Variants in ZBTB10 observed in about 807,000 individuals in gnomAD.
The protein encoded by ZBTB10 is zinc finger and BTB domain-containing protein 10.
A neutral mutation model predicts 76.4 loss-of-function variants in ZBTB10; 32 were observed. The ratio of observed to expected loss-of-function variants is 0.42; its 90% CI spans 0.32 to 0.56. The LOEUF (loss-of-function observed/expected upper bound fraction) is 0.56. Ranked by LOEUF, ZBTB10 falls within the 20% of genes least tolerant of loss-of-function variation. The pLI, the probability that ZBTB10 is intolerant of heterozygous loss-of-function variation, is 0.14. For synonymous variants in ZBTB10, 523 were observed against 432.9 expected, an observed-to-expected ratio of 1.21 and a Z score of -2.58; for missense variants, 1,057 against 1,098.5, an observed-to-expected ratio of 0.96 and a Z score of 0.53.
intron 3 of ZBTB10, 61 bp downstream of exon 3, chr8:80,514,069 T>A: frequency 7.0e-7 from 1 of 1,421,998 alleles, no homozygotes; most frequent in Non-Finnish European, 9.8e-7. Context: ...ACATCTTACC[T>A]GCAGCCTAGT....
rs1815487260 is a variant in ZBTB10 at position 80,487,061 on chromosome 8, C to G, written c.251C>G (p.Ala84Gly). ...PQDLEASAGP[A>G]AGAAEEAKEL... is the part of the protein sequence containing the mutation. ...GACCTGGAGGCCTCCGCCGGGCCGG[C>G]CGCCGGCGCCGCCGAGGAAGCCAAG... is the stretch of plus-strand genomic sequence containing the variant. Residue 84 changes from alanine (A) to glycine (G), a missense_variant, in exon 1 of 6, where the codon GCC becomes GGC. Coordinates refer to ENST00000455036, the MANE Select transcript of ZBTB10 (RefSeq NM_001105539.3). The G allele has an allele frequency of 6.6e-7, 1 of 1,514,874 alleles. No homozygotes were observed. Among genetic ancestry groups the G allele is most frequent in the Non-Finnish European group, 8.8e-7 (1 of 1,138,612 alleles). 93.8% of individuals were successfully genotyped at this position (1,514,874 alleles called of 1,614,324 possible). A position where few individuals can be genotyped will look rare whatever the true frequency, so the allele number is the denominator to read the frequency against.
intron 1 of ZBTB10, among the ~76,000 whole-genome samples, chr8:80,494,314 G>A (rs148752139): frequency 1.3e-5 from 2 of 152,192 alleles, no homozygotes; most frequent in East Asian, 1.9e-4. Context: ...TATTGTTAAC[G>A]GATTGACTAC....
At position 80,518,595 on chromosome 8, in the gene ZBTB10, C is replaced by T. The variant is rs1411335932; in HGVS notation, c.2137+16C>T. 6.5e-7 allele frequency: 1 copy of T among 1,539,802 alleles called. No individual in the cohort carries two copies. Among genetic ancestry groups the T allele is most frequent in the South Asian group, 1.2e-5 (1 of 81,218 alleles). On this transcript the variant is annotated intron_variant, in intron 4 of 5. Transcript: ENST00000455036. ...TGGGAAAATGGCAAGTATTAGTCAA[C>T]TAAACAAATACAGAATTAATTAAAT... is the stretch of plus-strand genomic sequence containing the variant.
intron 3 of ZBTB10, among the ~76,000 whole-genome samples, chr8:80,516,871 A>T (rs1032782481): frequency 1.6e-4 from 24 of 152,212 alleles, no homozygotes; most frequent in African/African-American, 5.8e-4. Flanking sequence ...CATTTGGGTA[A>T]ACATTCTTTA....
intron 1 of ZBTB10, among the ~76,000 whole-genome samples, chr8:80,489,839 T>TTATA (rs1207494205): frequency 6.6e-6 from 1 of 152,166 alleles, no homozygotes; most frequent in African/African-American, 2.4e-5. Context: ...TGTCCTAAGG[T>TTATA]TATATATTGG....
At chr8:80,493,193 A>ATGCG (rs1491520799) in intron 1 of ZBTB10, among the ~76,000 whole-genome samples, 26 of 124,518 alleles carry the variant, frequency 2.1e-4, no homozygotes, top group African/African-American at 7.1e-4. Flanking sequence ...GTGCCTCAAA[A>ATGCG]CGCGCGCGCG....
intron 2 of ZBTB10, among the ~76,000 whole-genome samples, chr8:80,503,266 A>T (rs1340585357): frequency 1.3e-5 from 2 of 152,156 alleles, no homozygotes; most frequent in Non-Finnish European, 2.9e-5. Flanking sequence ...AATCCTCCTT[A>T]AACTTGGAAA....
intron 2 of ZBTB10, among the ~76,000 whole-genome samples, chr8:80,506,812 G>GT (rs994697993): frequency 9.0e-4 from 137 of 152,218 alleles, no homozygotes; most frequent in Non-Finnish European, 2.5e-4. Flanking sequence ...ATCTGAATTA[G>GT]TTTTTATTCT....
rs1486129663 is a variant in ZBTB10 at position 80,500,087 on chromosome 8, T to A, written c.1566T>A (p.Asn522Lys). 1.2e-6 allele frequency: 2 copies of A among 1,613,834 alleles called. No homozygotes were observed. The highest frequency in any genetic ancestry group is 3.3e-5 in the Admixed American group (2 of 60,002). ...SNVKIENDGC[N>K]VDEGQIENYQ... ...TAAAGATTGAAAATGATGGTTGTAATGTCGACGAGGGCCAAATAGAAAACT... is the reference window on the plus strand; with the variant it reads ...TAAAGATTGAAAATGATGGTTGTAAAGTCGACGAGGGCCAAATAGAAAACT... The change falls in exon 2 of 6, where the codon AAT (asparagine) becomes AAA (lysine). Residue 522 changes from asparagine to lysine, a missense_variant. Physicochemically the swap from Asn to Lys is moderately conservative, Grantham distance 94 (BLOSUM62 0). Coordinates refer to ENST00000455036, the MANE Select transcript of ZBTB10 (RefSeq NM_001105539.3).
In ZBTB10 at chr8:80,520,954, A is replaced by T. The variant is rs955368619; in HGVS notation, c.*1426A>T. 6.6e-6 allele frequency: 1 copy of T among 151,922 alleles called. No individual in the cohort carries two copies. The highest frequency in any genetic ancestry group is 1.5e-5 in the Non-Finnish European group (1 of 67,824). 9.4% of individuals were successfully genotyped at this position (151,922 alleles called of 1,614,324 possible). ...ATATTATATAAGATTGAGGGATGTC[A>T]TATTTTCAGCTTTCTTTTAAATAAA... On this transcript the variant is annotated 3_prime_UTR_variant, in exon 6 of 6. Coordinates refer to ENST00000455036, the MANE Select transcript of ZBTB10 (RefSeq NM_001105539.3).
intron 1 of ZBTB10, among the ~76,000 whole-genome samples, chr8:80,491,463 C>T (rs1231268069): frequency 6.6e-6 from 1 of 152,164 alleles, no homozygotes; most frequent in African/African-American, 2.4e-5. Context: ...TTACTTTCCT[C>T]TAAGTAAGAA....
At chr8:80,512,342 A>G (rs1388988053) in intron 2 of ZBTB10, among the ~76,000 whole-genome samples, 3 of 152,112 alleles carry the variant, frequency 2.0e-5, no homozygotes, top group Non-Finnish European at 2.9e-5. Context: ...ATCTTACACA[A>G]TGGATAATTC....
chr8:80,501,797 A>C (rs554933131), intron 2 of ZBTB10, among the ~76,000 whole-genome samples: 2 of 152,338 alleles, frequency 1.3e-5, no homozygotes, highest in Admixed American at 6.5e-5. Flanking sequence ...TCCCTGAGAC[A>C]ATTTAGTTAA....
chr8:80,500,442 C>CTT, intron 2 of ZBTB10, 60 bp downstream of exon 2: 3 of 1,380,248 alleles, frequency 2.2e-6, no homozygotes, highest in Non-Finnish European at 1.9e-6. Flanking sequence ...TGGATATAAT[C>CTT]TTGAAGTATA....
At chr8:80,510,766 A>T (rs75334516) in intron 2 of ZBTB10, among the ~76,000 whole-genome samples, 8,524 of 152,168 alleles carry the variant, frequency 0.056, 243 homozygotes, top group Middle Eastern at 0.079. Flanking sequence ...TTTGCAAAGA[A>T]ATCTTAGCCC....
rs1816412388 is a variant in ZBTB10, at chr8:80,519,732, T to G, written c.*204T>G. The G allele has an allele frequency of 2.0e-6, 1 of 495,096 alleles. No homozygotes were observed. The highest frequency in any genetic ancestry group is 1.9e-5 in the African/African-American group (1 of 52,634). 30.7% of individuals were successfully genotyped at this position (495,096 alleles called of 1,614,324 possible). A position where few individuals can be genotyped will look rare whatever the true frequency, so the allele number is the denominator to read the frequency against. On this transcript the variant is annotated 3_prime_UTR_variant, in exon 6 of 6. Coordinates refer to ENST00000455036, the MANE Select transcript of ZBTB10 (RefSeq NM_001105539.3). The stretch of plus-strand genomic sequence containing the variant: ...ACTATACAGCAAACAACCATGTGGT[T>G]GGATTACATGGAGTCCCCACATACT...
At chr8:80,508,664 T>C (rs147425172) in intron 2 of ZBTB10, among the ~76,000 whole-genome samples, 169 of 152,284 alleles carry the variant, frequency 1.1e-3, no homozygotes, top group African/African-American at 3.9e-3. Context: ...TCTTTTGTTA[T>C]GTAGGAGTTT....
intron 1 of ZBTB10, among the ~76,000 whole-genome samples, 191 bp downstream of exon 1, chr8:80,487,973 G>C (rs528920564): frequency 2.0e-5 from 3 of 152,296 alleles, no homozygotes; most frequent in African/African-American, 2.4e-5. Flanking sequence ...TTTTATAAAA[G>C]TTCTGTATGT....
Position 80,519,217 on chromosome 8 carries a change from A to G in ZBTB10, c.2311-6A>G. 1.2e-6 allele frequency: 2 copies of G among 1,610,634 alleles called. No individual in the cohort carries two copies. The highest frequency in any genetic ancestry group is 2.2e-5 in the South Asian group (2 of 90,798). ...CTTATATTGGATTTTTTCCCCCTCC[A>G]ATTAGGTGCATAAAAAGGATAAAAA... is the stretch of plus-strand genomic sequence containing the variant. On this transcript the variant is annotated splice_region_variant and splice_polypyrimidine_tract_variant and intron_variant, in intron 5 of 5. Transcript: ENST00000455036.
Sources: allele counts gnomAD v4.1 joint callset (sites outside exome capture counted in the v4.1 genomes callset), GRCh38; gene constraint gnomAD v4.1.1; transcripts MANE v1.5; gene names NCBI Gene and HGNC (gene_info 2026-07-23, HGNC 2026-07-21).